The following NCALD variants were observed in gnomAD, a reference collection of about 807,000 sequenced individuals.
NCALD encodes the protein neurocalcin-delta.
NCALD carries 10 observed loss-of-function variants against 18.6 expected under a neutral mutation model. The ratio of observed to expected loss-of-function variants is 0.54; its 90% CI spans 0.33 to 0.91. The LOEUF is 0.91. Among genes scored for constraint, NCALD ranks in the 40% least tolerant of loss-of-function variants. The pLI, the probability that NCALD is intolerant of heterozygous loss-of-function variation, is 0.03. For missense variants in NCALD, 184 were observed against 247.6 expected (o/e 0.74, Z 1.72); for synonymous variants, 88 against 87.4 (o/e 1.01, Z -0.04).
At chr8:101,791,685 G>A (rs1008528937), upstream of NCALD, among the ~76,000 whole-genome samples, 4 of 152,092 alleles carry the variant, frequency 2.6e-5, no homozygotes, top group Non-Finnish European at 5.9e-5. Context: ...AATGAGGACC[G>A]AAGGAGTTTC....
intron 2 of NCALD, among the ~76,000 whole-genome samples, chr8:101,930,831 G>A (rs1220775169): frequency 6.6e-6 from 1 of 152,166 alleles, no homozygotes; most frequent in East Asian, 1.9e-4. Context: ...TTGTGGGGGA[G>A]TGTGTTCCTC....
intron 2 of NCALD, among the ~76,000 whole-genome samples, chr8:101,929,407 GAGGGAGGAAGGGAGGGAGGA>G (rs1818470641): frequency 4.7e-5 from 2 of 43,010 alleles, no homozygotes; most frequent in Non-Finnish European, 9.0e-5. Flanking sequence ...TGGAGGGAGG[GAGGGAGGAAGGGAGGGAGGA>G]AGGAAGGAAG....
At position 102,001,241 on chromosome 8, in the gene NCALD, G is replaced by A. The variant is rs574121171; in HGVS notation, c.-157+18996C>T. ...CTACGTGATGAACGCACAAGCCTCAGTAGCTGATTCGATCAACTGGAAGAA... is the reference window on the plus strand; with the variant it reads ...CTACGTGATGAACGCACAAGCCTCAATAGCTGATTCGATCAACTGGAAGAA... On this transcript the variant is annotated intron_variant, in intron 2 of 6. Transcript: ENST00000311028. Among the ~76,000 whole-genome samples, 5 of 152,334 alleles carry A rather than the reference G, an allele frequency of 3.3e-5. No homozygotes were observed. The South Asian group carries it at 8.3e-4, about 25-fold the overall frequency.
At chr8:101,949,285 G>A (rs181499206) in intron 2 of NCALD, among the ~76,000 whole-genome samples, 134 of 152,244 alleles carry the variant, frequency 8.8e-4, no homozygotes, top group Non-Finnish European at 1.4e-3. Flanking sequence ...CATGCAGAAT[G>A]TAAGACGCAC....
chr8:102,025,281 C>T (rs767270834), intron 1 of NCALD, among the ~76,000 whole-genome samples: 1 of 152,144 alleles, frequency 6.6e-6, no homozygotes, highest in Non-Finnish European at 1.5e-5. Context: ...CCCATGATGC[C>T]CACCCCAGAA....
chr8:101,801,056 A>G (rs1160399358), intron 4 of NCALD, among the ~76,000 whole-genome samples: 1 of 151,860 alleles, frequency 6.6e-6, no homozygotes, highest in Non-Finnish European at 1.5e-5. Context: ...AGGAAAAAGG[A>G]AAAGGAAAAG....
chr8:101,857,374 C>G (rs920755611), intron 4 of NCALD, among the ~76,000 whole-genome samples: 2 of 152,122 alleles, frequency 1.3e-5, no homozygotes, highest in African/African-American at 4.8e-5. Flanking sequence ...ACTGACACAG[C>G]CAAAAAGGCA....
intron 2 of NCALD, among the ~76,000 whole-genome samples, chr8:101,988,192 A>G (rs1820901326): frequency 6.6e-6 from 1 of 151,184 alleles, no homozygotes; most frequent in Admixed American, 6.6e-5. Flanking sequence ...AAAGAAAAGA[A>G]AAAAAAAAGT....
At chr8:101,926,509 A>G (rs1563902880) in intron 2 of NCALD, among the ~76,000 whole-genome samples, 1 of 152,166 alleles carries the variant, frequency 6.6e-6, no homozygotes, top group African/African-American at 2.4e-5. Context: ...ATCCAATTTA[A>G]TCTTCAGAAC....
chr8:101,692,520 T>C, intron 3 of NCALD: 2 of 985,442 alleles, frequency 2.0e-6, no homozygotes, highest in Non-Finnish European at 2.4e-6. Context: ...CTTGGTTCCT[T>C]TCATTCTTGC....
At chr8:101,895,484 G>A (rs1713061684) in intron 3 of NCALD, among the ~76,000 whole-genome samples, 1 of 151,574 alleles carries the variant, frequency 6.6e-6, no homozygotes, top group Non-Finnish European at 1.5e-5. Flanking sequence ...CACCACTCCT[G>A]TTCAATATAG....
intron 1 of NCALD, among the ~76,000 whole-genome samples, chr8:102,120,579 A>G (rs938503217): frequency 6.6e-6 from 1 of 152,178 alleles, no homozygotes; most frequent in Non-Finnish European, 1.5e-5. Flanking sequence ...AAAAATAGAG[A>G]AATGAGGTCC....
intron 2 of NCALD, among the ~76,000 whole-genome samples, chr8:101,929,281 G>C (rs1470859395): frequency 6.5e-5 from 3 of 45,842 alleles, no homozygotes; most frequent in East Asian, 5.1e-4. Flanking sequence ...TGGAGGGAGG[G>C]AGGGAGGGAG....
At chr8:102,106,221 C>T (rs1825441603) in intron 1 of NCALD, among the ~76,000 whole-genome samples, 1 of 151,750 alleles carries the variant, frequency 6.6e-6, no homozygotes, top group South Asian at 2.1e-4. Context: ...AGGTGTGCAC[C>T]AGCATGCCTG....
At position 101,978,290 on chromosome 8, in the gene NCALD, G is replaced by C. The variant is rs188594977; in HGVS notation, c.-157+41947C>G. ...AAGCAAATGGCAATTAAGAGCACTT[G>C]TATCATAATCAAGGTCGAACTATTT... On this transcript the variant is annotated intron_variant, in intron 2 of 6. Coordinates refer to the NCALD transcript ENST00000311028. Among the ~76,000 whole-genome samples, 6 of 152,250 alleles carry C rather than the reference G, an allele frequency of 3.9e-5. No homozygotes were observed. In the East Asian group the frequency reaches 9.6e-4, roughly 24 times the overall value.
chr8:101,961,870 T>A (rs1258812935), intron 2 of NCALD, among the ~76,000 whole-genome samples: 1 of 152,002 alleles, frequency 6.6e-6, no homozygotes, highest in East Asian at 1.9e-4. Flanking sequence ...AGCTTTACAG[T>A]CATTTGGCTT....
intron 1 of NCALD, among the ~76,000 whole-genome samples, chr8:102,045,581 CAG>C (rs1238161303): frequency 2.0e-5 from 3 of 152,204 alleles, no homozygotes; most frequent in African/African-American, 7.2e-5. Context: ...ATCACCAACA[CAG>C]AGTTCAACTA....
intron 2 of NCALD, among the ~76,000 whole-genome samples, chr8:102,017,933 A>G (rs1427360002): frequency 6.6e-6 from 1 of 152,228 alleles, no homozygotes; most frequent in Non-Finnish European, 1.5e-5. Flanking sequence ...TGGGTGAATG[A>G]TTTGAACAGA....
At chr8:101,884,851 AT>A (rs1220598305) in intron 4 of NCALD, among the ~76,000 whole-genome samples, 1 of 152,126 alleles carries the variant, frequency 6.6e-6, no homozygotes, top group Non-Finnish European at 1.5e-5. Flanking sequence ...GAACACTTTA[AT>A]TATCCTCTGA....
Sources: allele counts gnomAD v4.1 joint callset (sites outside exome capture counted in the v4.1 genomes callset), GRCh38; gene constraint gnomAD v4.1.1; transcripts MANE v1.5; gene names NCBI Gene and HGNC (gene_info 2026-07-23, HGNC 2026-07-21).